The following P4HA3 variants were observed in gnomAD, a reference collection of about 807,000 sequenced individuals.
P4HA3 encodes prolyl 4-hydroxylase subunit alpha-3.
Under a neutral mutation model 66.7 loss-of-function variants are expected in P4HA3, and 60 were observed. The observed-to-expected ratio is 0.90, with a 90% confidence interval of 0.73 to 1.12. The LOEUF (loss-of-function observed/expected upper bound fraction) is 1.12, where lower values mean the gene tolerates loss of function less well. Among genes scored for constraint, P4HA3 ranks in the 50% most tolerant of loss-of-function variants. The pLI, the probability that P4HA3 is intolerant of heterozygous loss-of-function variation, is 0.00. For missense variants in P4HA3, 683 were observed against 685.8 expected, an observed-to-expected ratio of 1.00 and a Z score of 0.05; for synonymous variants, 263 against 274.6, an observed-to-expected ratio of 0.96 and a Z score of 0.42.
At chr11:74,261,343 T>TA (rs1178124042) in intron 14 of P4HA3, among the ~76,000 whole-genome samples, 6 of 151,232 alleles carry the variant, frequency 4.0e-5, no homozygotes, top group Non-Finnish European at 7.4e-5. Flanking sequence ...ATTCACAGTA[T>TA]AAAAAAAAAT....
At chr11:74,287,055 G>T in intron 5 of P4HA3, 1 of 1,131,118 alleles carries the variant, frequency 8.8e-7, no homozygotes, top group Non-Finnish European at 1.1e-6. Context: ...TTTGGCTCTA[G>T]ACTGGATTCC....
chr11:74,264,323 A>G (rs1486892391), downstream of P4HA3, among the ~76,000 whole-genome samples: 1 of 152,150 alleles, frequency 6.6e-6, no homozygotes, highest in Non-Finnish European at 1.5e-5. Flanking sequence ...GAAAATGAAC[A>G]TGCTGGCCAA....
At chr11:74,264,067 C>T (rs1211505088), downstream of P4HA3, among the ~76,000 whole-genome samples, 1 of 152,158 alleles carries the variant, frequency 6.6e-6, no homozygotes, top group Non-Finnish European at 1.5e-5. Context: ...GGTATGGAGA[C>T]TAGTGCAAAT....
rs189070549 is a variant in P4HA3 at position 74,267,011 on chromosome 11, C to A, written c.*237G>T. 3.1e-5 allele frequency: 47 copies of A among 1,510,248 alleles called. No homozygotes were observed. The Admixed American group carries it at 6.7e-4, about 22-fold the overall frequency. The allele number at this position is 1,510,248 out of a possible 1,614,324, so 93.6% of individuals were successfully genotyped here. On this transcript the variant is annotated 3_prime_UTR_variant, in exon 13 of 13. Coordinates refer to ENST00000331597, the MANE Select transcript of P4HA3 (RefSeq NM_182904.5). ...AACTTCCCTCTCAGGCCTCCACTCC[C>A]CCCTCCTTTGTACTGTGCATCCTAC... is the stretch of plus-strand genomic sequence containing the variant.
chr11:74,298,433 A>T, intron 3 of P4HA3, 72 bp from the exon 4 acceptor site: 1 of 1,524,656 alleles, frequency 6.6e-7, no homozygotes, highest in Non-Finnish European at 8.8e-7. Flanking sequence ...AATTCAAAGA[A>T]TAAGAGGGAC....
Position 74,298,251 on chromosome 11 carries a change from T to C in P4HA3, c.678A>G (p.Leu226=). Reference sequence around the variant, plus strand: ...AGGCCAAGTGATCCAAGGCATCTTCTAGACTTGCCTCATCCTCTGTCTTCC... The same window carrying C: ...AGGCCAAGTGATCCAAGGCATCTTCCAGACTTGCCTCATCCTCTGTCTTCC... The part of the protein sequence containing the change: ...GEWKTEDEAS[L]EDALDHLAFA... The change falls in exon 4 of 13, where the codon CTA becomes CTG. Residue 226 remains leucine, a synonymous_variant. Coordinates refer to ENST00000331597, the MANE Select transcript of P4HA3 (RefSeq NM_182904.5). The C allele has an allele frequency of 1.2e-6, 2 of 1,614,108 alleles. No homozygotes were observed. The highest frequency in any genetic ancestry group is 1.7e-6 in the Non-Finnish European group (2 of 1,179,986).
chr11:74,289,197 A>C, intron 4 of P4HA3, 67 bp from the exon 5 acceptor site: 3 of 1,151,638 alleles, frequency 2.6e-6, no homozygotes, highest in Non-Finnish European at 3.4e-6. Context: ...TGAACAAACC[A>C]TTAAATTAAA....
At chr11:74,301,382 A>G (rs1861402171) in intron 3 of P4HA3, among the ~76,000 whole-genome samples, 1 of 152,218 alleles carries the variant, frequency 6.6e-6, no homozygotes, top group Non-Finnish European at 1.5e-5. Context: ...ATATGTTAGT[A>G]CCATACATTA....
At chr11:74,250,663 C>G (rs550924121) in intron 15 of P4HA3, 3 of 320,854 alleles carry the variant, frequency 9.4e-6, no homozygotes, top group African/African-American at 4.2e-5. Flanking sequence ...GTTTTACTCC[C>G]CTACTGGACT....
intron 9 of P4HA3, among the ~76,000 whole-genome samples, chr11:74,276,570 CATAA>C (rs1860404402): frequency 6.6e-6 from 1 of 151,956 alleles, no homozygotes; most frequent in African/African-American, 2.4e-5. Context: ...AAAATAAATA[CATAA>C]ATAAATACGT....
At chr11:74,265,630 G>A (rs530550412), downstream of P4HA3, among the ~76,000 whole-genome samples, 76 of 152,314 alleles carry the variant, frequency 5.0e-4, no homozygotes, top group African/African-American at 1.8e-3. Flanking sequence ...CTACTGCTGG[G>A]AAACACTTCT....
rs140869746 is a variant in P4HA3 at position 74,260,911 on chromosome 11, C to T, written c.*1105-775G>A. On this transcript the variant is annotated intron_variant and NMD_transcript_variant, in intron 14 of 15. Coordinates refer to the P4HA3 transcript ENST00000524388. ...ACATGAAAGACATAATCATGTCTCA[C>T]GACTTTGGTAATGACACAGGATTTT... is the stretch of plus-strand genomic sequence containing the variant. 3.3e-3 allele frequency among the ~76,000 whole-genome samples: 495 copies of T among 152,264 alleles called. 3 individuals are homozygous for T. The Middle Eastern group carries it at 0.034, about 10-fold the overall frequency.
intron 2 of P4HA3, among the ~76,000 whole-genome samples, chr11:74,303,580 C>T (rs1410183497): frequency 7.0e-6 from 1 of 141,856 alleles, no homozygotes; most frequent in African/African-American, 2.6e-5. Flanking sequence ...GCCCAAAAGT[C>T]AACACTTTTT....
intron 7 of P4HA3, among the ~76,000 whole-genome samples, chr11:74,281,926 T>A (rs12292321): frequency 0.24 from 27,825 of 113,956 alleles, 5,686 homozygotes; most frequent in African/African-American, 0.57. Context: ...AAATAAAAAA[T>A]AAATAAAATG....
chr11:74,303,467 T>A (rs886079110), intron 2 of P4HA3, among the ~76,000 whole-genome samples: 9 of 151,280 alleles, frequency 5.9e-5, no homozygotes, highest in Admixed American at 3.9e-4. Flanking sequence ...TTGTTATTTT[T>A]AATAGGTTTC....
intron 4 of P4HA3, among the ~76,000 whole-genome samples, chr11:74,294,626 G>A (rs1469337911): frequency 6.6e-6 from 1 of 152,184 alleles, no homozygotes; most frequent in Non-Finnish European, 1.5e-5. Flanking sequence ...GGGTTTTGGT[G>A]TGGATGTCCT....
At chr11:74,292,199 T>C (rs187483297) in intron 4 of P4HA3, among the ~76,000 whole-genome samples, 2 of 152,374 alleles carry the variant, frequency 1.3e-5, no homozygotes, top group African/African-American at 4.8e-5. Context: ...AAGGAATTTA[T>C]CCATTTCCTC....
downstream of P4HA3, among the ~76,000 whole-genome samples, chr11:74,264,313 G>A (rs1056311835): frequency 6.6e-6 from 1 of 152,104 alleles, no homozygotes; most frequent in Non-Finnish European, 1.5e-5. Context: ...AAAGCGTTTT[G>A]AAAATGAACA....
In P4HA3 at chr11:74,307,819, C is replaced by T. The variant is rs1454239276; in HGVS notation, c.201-3407G>A. On this transcript the variant is annotated intron_variant, in intron 1 of 12. Transcript: ENST00000331597. ...CAACCACAATACATGGGCTATTTCACTTCAATATGTTTTGCCTTTGGAATT... is the reference window on the plus strand; with the variant it reads ...CAACCACAATACATGGGCTATTTCATTTCAATATGTTTTGCCTTTGGAATT... Among the ~76,000 whole-genome samples, 12 of 152,298 alleles carry T rather than the reference C, an allele frequency of 7.9e-5. No individual in the cohort carries two copies. The East Asian group carries it at 1.5e-3, about 20-fold the overall frequency.
Sources: allele counts gnomAD v4.1 joint callset (sites outside exome capture counted in the v4.1 genomes callset), GRCh38; gene constraint gnomAD v4.1.1; transcripts MANE v1.5; gene names NCBI Gene and HGNC (gene_info 2026-07-23, HGNC 2026-07-21).